Variants in APBA2 observed in about 807,000 individuals in gnomAD.
The protein encoded by APBA2 is amyloid-beta A4 precursor protein-binding family A member 2.
Under a neutral mutation model 75.0 loss-of-function variants are expected in APBA2, and 30 were observed. The ratio of observed to expected loss-of-function variants is 0.40; its 90% CI spans 0.30 to 0.54. The LOEUF (loss-of-function observed/expected upper bound fraction) is 0.54, where lower values mean the gene tolerates loss of function less well. APBA2 is among the 20% of genes least tolerant of loss of function. The probability of loss-of-function intolerance (pLI) is 0.49; values close to 1 mark genes in which losing one functional copy is unlikely to be tolerated. For missense variants in APBA2, 801 were observed against 1,016.1 expected, an observed-to-expected ratio of 0.79 and a Z score of 2.88; for synonymous variants, 444 against 409.6, an observed-to-expected ratio of 1.08 and a Z score of -1.01.
rs139328512 is a variant in APBA2 at position 29,084,350 on chromosome 15, C to G, written c.1069+8259C>G. 1.8e-3 allele frequency among the ~76,000 whole-genome samples: 278 copies of G among 152,150 alleles called. 2 individuals are homozygous for G. The highest frequency in any genetic ancestry group is 6.4e-3 in the African/African-American group (266 of 41,502). ...GAATATGGCTTCCTAAAAATAACAC[C>G]TTTTTGAAAGATCTATGCTTTTAAT... On this transcript the variant is annotated intron_variant, in intron 6 of 14. Coordinates refer to ENST00000683413, the MANE Select transcript of APBA2 (RefSeq NM_001353788.2).
chr15:29,048,783 A>G (rs577098387), intron 3 of APBA2, among the ~76,000 whole-genome samples: 1 of 151,736 alleles, frequency 6.6e-6, no homozygotes, highest in East Asian at 2.0e-4. Flanking sequence ...AAAAAAAAAT[A>G]CAAAAATTAG....
intron 2 of APBA2, among the ~76,000 whole-genome samples, chr15:28,990,150 G>A (rs1241495015): frequency 6.6e-6 from 1 of 152,188 alleles, no homozygotes; most frequent in Non-Finnish European, 1.5e-5. Flanking sequence ...TAGCTCCGCT[G>A]GGCGCGGTGG....
At chr15:28,909,089 C>T (rs1322996097) in intron 1 of APBA2, among the ~76,000 whole-genome samples, 1 of 151,722 alleles carries the variant, frequency 6.6e-6, no homozygotes, top group Non-Finnish European at 1.5e-5. Context: ...TAGGTTCACG[C>T]CATTCTCCTA....
intron 4 of APBA2, among the ~76,000 whole-genome samples, chr15:29,072,335 G>A (rs1004805726): frequency 3.3e-5 from 5 of 152,168 alleles, no homozygotes; most frequent in Non-Finnish European, 7.3e-5. Context: ...AAATACCGAC[G>A]TGTGCTATGT....
intron 1 of APBA2, among the ~76,000 whole-genome samples, chr15:28,889,014 G>A (rs569731791): frequency 2.0e-5 from 3 of 152,236 alleles, no homozygotes; most frequent in African/African-American, 7.2e-5. Context: ...TGTGCCCAGC[G>A]GGGGCTGGGG....
At chr15:28,992,270 G>A (rs796811084) in intron 2 of APBA2, among the ~76,000 whole-genome samples, 32 of 152,222 alleles carry the variant, frequency 2.1e-4, no homozygotes, top group African/African-American at 7.7e-4. Flanking sequence ...GATCGCTTCT[G>A]GATCTTGGAC....
chr15:29,113,782 CT>C, intron 13 of APBA2, 93 bp from the exon 14 acceptor site: 3 of 1,542,472 alleles, frequency 1.9e-6, no homozygotes, highest in Non-Finnish European at 8.8e-7. Flanking sequence ...TCATGTGGCG[CT>C]TTTCCCTCTG....
intron 3 of APBA2, among the ~76,000 whole-genome samples, chr15:29,030,739 G>GTGTT (rs568296267): frequency 6.0e-5 from 9 of 149,948 alleles, no homozygotes; most frequent in African/African-American, 1.8e-4. Flanking sequence ...ATGTGTGTGT[G>GTGTT]TGTGTGTGTG....
intron 2 of APBA2, among the ~76,000 whole-genome samples, chr15:28,982,621 G>A (rs6495774): frequency 0.31 from 46,390 of 151,910 alleles, 11,740 homozygotes; most frequent in African/African-American, 0.68. Context: ...TCGATTGTCA[G>A]AAGTCCTCAT....
At chr15:28,888,139 C>A (rs1342858336) in intron 1 of APBA2, among the ~76,000 whole-genome samples, 3 of 152,192 alleles carry the variant, frequency 2.0e-5, no homozygotes, top group Admixed American at 2.0e-4. Context: ...GTAGTTCTAA[C>A]CTCTTTTTTT....
intron 6 of APBA2, among the ~76,000 whole-genome samples, chr15:29,083,669 T>G (rs1008418000): frequency 6.6e-6 from 1 of 152,048 alleles, no homozygotes; most frequent in African/African-American, 2.4e-5. Flanking sequence ...TAGCTGGAAT[T>G]ACAGGGGTGC....
intron 2 of APBA2, among the ~76,000 whole-genome samples, chr15:28,965,700 A>G (rs76577338): frequency 0.033 from 5,051 of 152,188 alleles, 298 homozygotes; most frequent in African/African-American, 0.12. Context: ...AGATATATTC[A>G]TAAGTATCTT....
intron 2 of APBA2, among the ~76,000 whole-genome samples, chr15:28,934,892 C>G (rs1427704729): frequency 6.6e-6 from 1 of 152,184 alleles, no homozygotes; most frequent in African/African-American, 2.4e-5. Context: ...GAGGCAGGTC[C>G]CTGAACTGGG....
intron 12 of APBA2, among the ~76,000 whole-genome samples, chr15:29,107,374 C>T (rs1382592970): frequency 4.6e-5 from 7 of 152,172 alleles, no homozygotes; most frequent in Non-Finnish European, 1.0e-4. Flanking sequence ...GGGGCCTTCA[C>T]ACTGGCCGCC....
chr15:29,108,640 C>A, intron 13 of APBA2: 2 of 600,000 alleles, frequency 3.3e-6, no homozygotes, highest in Non-Finnish European at 2.9e-6. Flanking sequence ...TCCCTTGTCC[C>A]CATGGTGGTT....
At chr15:29,093,264 G>T (rs1179006738) in intron 7 of APBA2, 44 bp downstream of exon 7, 2 of 1,610,404 alleles carry the variant, frequency 1.2e-6, no homozygotes, top group East Asian at 4.5e-5. Context: ...CGCACACTTT[G>T]GGGGGCACTA....
Position 28,951,589 on chromosome 15 carries a change from A to T in APBA2, c.-95+29840A>T, listed in dbSNP as rs564961292. Among the ~76,000 whole-genome samples, 211 of 145,120 alleles carry T rather than the reference A, an allele frequency of 1.5e-3. 1 individual carries two copies. Among genetic ancestry groups the T allele is most frequent in the African/African-American group, 5.6e-3 (206 of 36,890 alleles). On this transcript the variant is annotated intron_variant, in intron 2 of 14. Coordinates refer to ENST00000683413, the MANE Select transcript of APBA2 (RefSeq NM_001353788.2). The stretch of plus-strand genomic sequence containing the variant: ...TATGTATCTCCCATAGTTTTTTTTT[A>T]TTTTTTTATTTTTTGAGACAAAGCC...
intron 1 of APBA2, among the ~76,000 whole-genome samples, chr15:28,910,941 A>C (rs1186538455): frequency 6.6e-6 from 1 of 152,156 alleles, no homozygotes; most frequent in African/African-American, 2.4e-5. Flanking sequence ...CCTCAATTTC[A>C]TACGGTGTTA....
intron 4 of APBA2, chr15:29,071,072 T>C (rs779731648): frequency 4.4e-6 from 2 of 456,714 alleles, no homozygotes; most frequent in South Asian, 3.1e-5. Flanking sequence ...GGAAGCATCC[T>C]GACTATGTTG....
Sources: allele counts gnomAD v4.1 joint callset (sites outside exome capture counted in the v4.1 genomes callset), GRCh38; gene constraint gnomAD v4.1.1; transcripts MANE v1.5; gene names NCBI Gene and HGNC (gene_info 2026-07-23, HGNC 2026-07-21).